Variants in TXNDC11 observed in about 807,000 individuals in gnomAD.
TXNDC11 encodes thioredoxin domain-containing protein 11.
Under a neutral mutation model 78.0 loss-of-function variants are expected in TXNDC11, and 68 were observed. The observed-to-expected ratio is 0.87, with a 90% CI of 0.72 to 1.07. TXNDC11 has a LOEUF of 1.07. Ranked by LOEUF, TXNDC11 falls within the 50% of genes least tolerant of loss-of-function variation. The probability of loss-of-function intolerance (pLI) is 0.00; values close to 1 mark genes in which losing one functional copy is unlikely to be tolerated. For synonymous variants in TXNDC11, 571 were observed against 495.2 expected (o/e 1.15, Z -2.03); for missense variants, 1,389 against 1,221.8 (o/e 1.14, Z -2.04).
chr16:11,714,314 G>A (rs2051459010), intron 5 of TXNDC11, among the ~76,000 whole-genome samples: 1 of 152,250 alleles, frequency 6.6e-6, no homozygotes, highest in Admixed American at 6.5e-5. Flanking sequence ...GTGAGCCACC[G>A]TGCCCCGCCA....
At chr16:11,717,705 C>T (rs963807713) in intron 5 of TXNDC11, among the ~76,000 whole-genome samples, 1 of 150,080 alleles carries the variant, frequency 6.7e-6, no homozygotes, top group East Asian at 2.0e-4. Flanking sequence ...CCTGTAATCC[C>T]AGCTACTCGG....
rs757262332 is a variant in TXNDC11 at position 11,691,925 on chromosome 16, G to A, written c.1265C>T (p.Pro422Leu). 2.5e-6 allele frequency: 4 copies of A among 1,612,808 alleles called. No individual in the cohort carries two copies. Among genetic ancestry groups the A allele is most frequent in the Non-Finnish European group, 3.4e-6 (4 of 1,178,920 alleles). ...LPDPPTITAS[P>L]CCNTVVLPQW... is the part of the protein sequence containing the mutation. ...GGGCAGCACCACAGTGTTGCAGCAG[G>A]GGGACGCTGTGATCGTTGGCGGGTC... Residue 422 changes from proline to leucine, a missense_variant, in exon 8 of 12, where the codon CCC becomes CTC. Pro to Leu is a moderately conservative substitution (Grantham distance 98). Coordinates refer to ENST00000283033, the MANE Select transcript of TXNDC11 (RefSeq NM_015914.7).
intron 3 of TXNDC11, among the ~76,000 whole-genome samples, chr16:11,731,062 A>G (rs1280616998): frequency 7.2e-5 from 11 of 152,204 alleles, no homozygotes; most frequent in Non-Finnish European, 1.5e-5. Flanking sequence ...ATCTCTGAAA[A>G]AAAAATTAAT....
chr16:11,714,356 T>C (rs1051659833), intron 5 of TXNDC11, among the ~76,000 whole-genome samples: 1 of 152,102 alleles, frequency 6.6e-6, no homozygotes, highest in Non-Finnish European at 1.5e-5. Context: ...AATCTCACCA[T>C]CTGGCCGCGC....
Position 11,742,845 on chromosome 16 carries a change from C to G in TXNDC11, c.-115G>C, listed in dbSNP as rs2052453275. The G allele has an allele frequency of 3.8e-6, 5 of 1,329,882 alleles. No homozygotes were observed. Among genetic ancestry groups the G allele is most frequent in the Non-Finnish European group, 4.8e-6 (5 of 1,043,622 alleles). 82.4% of individuals were successfully genotyped at this position (1,329,882 alleles called of 1,614,324 possible). On this transcript the variant is annotated 5_prime_UTR_variant, in exon 1 of 12. Coordinates refer to ENST00000283033, the MANE Select transcript of TXNDC11 (RefSeq NM_015914.7). ...CGCCGCACCCGCTAACCCGGACGCT[C>G]CACGTCAGCCGCGCCGCCGCCGCGG...
At chr16:11,727,120 T>C (rs1000657660) in intron 4 of TXNDC11, among the ~76,000 whole-genome samples, 3 of 152,234 alleles carry the variant, frequency 2.0e-5, no homozygotes, top group Non-Finnish European at 1.5e-5. Context: ...AAGTAATGAA[T>C]GCTAACTATA....
chr16:11,692,234 T>A, intron 7 of TXNDC11, 152 bp from the exon 8 acceptor site: 1 of 674,548 alleles, frequency 1.5e-6, no homozygotes, highest in Non-Finnish European at 2.4e-6. Context: ...AAACAAGTCG[T>A]AAGTTTTAAA....
At chr16:11,712,692 C>G (rs1250821823) in intron 5 of TXNDC11, among the ~76,000 whole-genome samples, 2 of 151,988 alleles carry the variant, frequency 1.3e-5, no homozygotes, top group Non-Finnish European at 2.9e-5. Context: ...GTGGCTCACC[C>G]CTTTAACCAC....
At chr16:11,728,403 G>A (rs532414330) in intron 4 of TXNDC11, among the ~76,000 whole-genome samples, 84 of 152,254 alleles carry the variant, frequency 5.5e-4, no homozygotes, top group Non-Finnish European at 6.3e-4. Context: ...ATACTAACCC[G>A]ATAAAAGCCA....
At position 11,742,645 on chromosome 16, in the gene TXNDC11, C is replaced by G. The variant is rs776343750; in HGVS notation, c.86G>C (p.Gly29Ala). The change falls in exon 1 of 12, where the codon GGC becomes GCC. Residue 29 changes from glycine (G) to alanine (A), a missense_variant. Gly to Ala is a moderately conservative substitution (Grantham distance 60). Transcript: ENST00000283033. ...DEGGGGGGPA[G>A]SDCLSSSPTL... is the part of the protein sequence containing the mutation. ...CGGGCTCGAGCTGAGGCAGTCTGAG[C>G]CCGCGGGGCCGCCGCCGCCCCCTCC... The G allele has an allele frequency of 6.8e-7, 1 of 1,459,930 alleles. No homozygotes were observed. Among genetic ancestry groups the G allele is most frequent in the Admixed American group, 2.5e-5 (1 of 39,898 alleles). The allele number at this position is 1,459,930 out of a possible 1,614,324, so 90.4% of individuals were successfully genotyped here. A position where few individuals can be genotyped will look rare whatever the true frequency, so the allele number is the denominator to read the frequency against.
chr16:11,722,740 T>C (rs1425149815), intron 4 of TXNDC11, among the ~76,000 whole-genome samples: 1 of 152,148 alleles, frequency 6.6e-6, no homozygotes, highest in Non-Finnish European at 1.5e-5. Context: ...GGCACTACAC[T>C]CTATATTAGT....
At chr16:11,707,728 C>A (rs2051224931) in intron 5 of TXNDC11, among the ~76,000 whole-genome samples, 1 of 151,898 alleles carries the variant, frequency 6.6e-6, no homozygotes, top group African/African-American at 2.4e-5. Context: ...GGATTACAGA[C>A]CTGAGCCACC....
At chr16:11,699,911 A>G (rs1177104342) in intron 6 of TXNDC11, among the ~76,000 whole-genome samples, 1 of 152,266 alleles carries the variant, frequency 6.6e-6, no homozygotes, top group Non-Finnish European at 1.5e-5. Flanking sequence ...AGCTGAGTTC[A>G]GGCTGCTCCA....
chr16:11,734,161 T>C (rs2052149014), intron 2 of TXNDC11, 82 bp from the exon 3 acceptor site: 1 of 958,892 alleles, frequency 1.0e-6, no homozygotes, highest in African/African-American at 1.7e-5. Flanking sequence ...AATTTAAAAA[T>C]AGAATGATTC....
intron 6 of TXNDC11, among the ~76,000 whole-genome samples, chr16:11,699,832 T>C (rs2050961766): frequency 6.6e-6 from 1 of 152,244 alleles, no homozygotes; most frequent in Non-Finnish European, 1.5e-5. Context: ...AACTCAGTGA[T>C]GTGACTTAGG....
At chr16:11,730,982 C>T (rs945776681) in intron 3 of TXNDC11, among the ~76,000 whole-genome samples, 21 of 152,138 alleles carry the variant, frequency 1.4e-4, no homozygotes, top group African/African-American at 5.1e-4. Flanking sequence ...GAGGCACAAG[C>T]AGCCCCTACC....
chr16:11,698,349 G>T, intron 6 of TXNDC11, 24 bp from the exon 7 acceptor site: 1 of 1,607,380 alleles, frequency 6.2e-7, no homozygotes, highest in Non-Finnish European at 8.5e-7. Flanking sequence ...AGGCACAGAG[G>T]ATAAAGGAGA....
At chr16:11,695,494 C>A (rs936341049) in intron 7 of TXNDC11, among the ~76,000 whole-genome samples, 3 of 152,178 alleles carry the variant, frequency 2.0e-5, no homozygotes, top group South Asian at 4.1e-4. Flanking sequence ...TCGTGGTCAA[C>A]AAGCTAATGA....
At chr16:11,735,385 G>A (rs13333297) in intron 2 of TXNDC11, among the ~76,000 whole-genome samples, 3,940 of 152,118 alleles carry the variant, frequency 0.026, 180 homozygotes, top group African/African-American at 0.09. Context: ...TCACCTCTAT[G>A]TTACAATCCG....
Sources: gnomAD v4.1 joint callset for allele counts (sites outside exome capture counted in the v4.1 genomes callset) on GRCh38, gnomAD v4.1.1 for gene constraint, MANE v1.5 for transcripts, NCBI Gene and HGNC (gene_info 2026-07-23, HGNC 2026-07-21) for gene names.